The following WFS1 variants were observed in gnomAD, a reference collection of about 807,000 sequenced individuals.
WFS1 encodes the protein wolframin.
WFS1 carries 90 observed loss-of-function variants against 68.5 expected under a neutral mutation model. The ratio of observed to expected loss-of-function variants is 1.31; its 90% CI spans 1.11 to 1.56. The LOEUF is 1.56. Ranked by LOEUF, WFS1 falls within the 40% of genes most tolerant of loss-of-function variation. WFS1 has a pLI of 0.00. For synonymous variants in WFS1, 860 were observed against 540.7 expected (o/e 1.59, Z -8.19); for missense variants, 1,767 against 1,232.6 (o/e 1.43, Z -6.49).
At chr4:6,270,694 T>C (rs973668452) in intron 1 of WFS1, among the ~76,000 whole-genome samples, 2 of 152,228 alleles carry the variant, frequency 1.3e-5, no homozygotes, top group South Asian at 4.1e-4. Context: ...ACGAAAACTT[T>C]CTGGAGAATC....
intron 1 of WFS1, among the ~76,000 whole-genome samples, chr4:6,271,435 G>A (rs1332993652): frequency 6.6e-6 from 1 of 152,164 alleles, no homozygotes; most frequent in African/African-American, 2.4e-5. Context: ...GTCACAGAGG[G>A]GACCTCAGCT....
chr4:6,294,522 G>A (rs890568951), intron 6 of WFS1, among the ~76,000 whole-genome samples: 1 of 152,182 alleles, frequency 6.6e-6, no homozygotes, highest in Non-Finnish European at 1.5e-5. Flanking sequence ...GTTGGATGGA[G>A]CGGTTTAGCA....
At position 6,287,077 on chromosome 4, in the gene WFS1, T is replaced by C; in HGVS notation, c.233-16T>C. 6 of 1,553,134 alleles carry C rather than the reference T, an allele frequency of 3.9e-6. No homozygotes were observed. Among genetic ancestry groups the C allele is most frequent in the Non-Finnish European group, 4.4e-6 (5 of 1,146,916 alleles). On this transcript the variant is annotated splice_polypyrimidine_tract_variant and intron_variant, in intron 2 of 7. Transcript: ENST00000226760. The surrounding 1 kb of genome is among the most constrained non-coding windows in gnomAD (Gnocchi z 6.4). ...CTGGCTTTGTGACATGTGTGTTTGT[T>C]TCTTCTGTGTTAAAGGGCCTACAAA...
At chr4:6,285,047 G>GGGA (rs1730272666) in intron 2 of WFS1, among the ~76,000 whole-genome samples, 1 of 151,828 alleles carries the variant, frequency 6.6e-6, no homozygotes, top group Non-Finnish European at 1.5e-5. Context: ...GGGGGCTCTG[G>GGGA]GGAGGGTGGG....
chr4:6,277,293 C>T (rs1290768307), intron 1 of WFS1, among the ~76,000 whole-genome samples, 158 bp from the exon 2 acceptor site: 1 of 152,244 alleles, frequency 6.6e-6, no homozygotes. Context: ...GGAAGCGGTG[C>T]TGGCCCATGG....
At position 6,299,938 on chromosome 4, in the gene WFS1, G is replaced by A. The variant is rs369597588; in HGVS notation, c.862-719G>A. 1.8e-3 allele frequency among the ~76,000 whole-genome samples: 276 copies of A among 149,192 alleles called. 1 individual carries two copies. The highest frequency in any genetic ancestry group is 3.3e-3 in the Non-Finnish European group (225 of 67,182). On this transcript the variant is annotated intron_variant, in intron 7 of 7. Transcript: ENST00000226760. ...GTATGGGGTGGGTTTGTGTGAATGC[G>A]TGTGTGTAGGGGTGGGTTGCGTGTG...
intron 1 of WFS1, among the ~76,000 whole-genome samples, chr4:6,273,721 C>T (rs757577331): frequency 3.3e-5 from 5 of 152,188 alleles, no homozygotes; most frequent in African/African-American, 4.8e-5. Flanking sequence ...GTCCTTCCAC[C>T]GGGAGATCTT....
In WFS1 at chr4:6,302,931, T is replaced by G; in HGVS notation, c.*463T>G. ...GGTCACTGCTACACCTTAGCAGCTC[T>G]TCCCCTTTCCTGGGGGATGTGCACG... On this transcript the variant is annotated 3_prime_UTR_variant, in exon 8 of 8. Transcript: ENST00000226760. 1 of 183,834 alleles carries G rather than the reference T, an allele frequency of 5.4e-6. No homozygotes were observed. The highest frequency in any genetic ancestry group is 1.2e-5 in the Non-Finnish European group (1 of 86,430). The allele number at this position is 183,834 out of a possible 1,614,324, so 11.4% of individuals were successfully genotyped here.
intron 7 of WFS1, among the ~76,000 whole-genome samples, chr4:6,299,900 GTTGTGTGT>G (rs1730806346): frequency 1.6e-5 from 1 of 61,528 alleles, no homozygotes; most frequent in Non-Finnish European, 3.0e-5. Context: ...GTAGGGGTGG[GTTGTGTGT>G]GTGTGTATGG....
chr4:6,296,822 C>G (rs1461619382), intron 7 of WFS1, among the ~76,000 whole-genome samples: 1 of 152,174 alleles, frequency 6.6e-6, no homozygotes, highest in Non-Finnish European at 1.5e-5. Flanking sequence ...ATCTGAAAAT[C>G]CTATTTATTT....
intron 7 of WFS1, among the ~76,000 whole-genome samples, chr4:6,299,446 G>A (rs1210363087): frequency 1.3e-5 from 2 of 151,842 alleles, no homozygotes; most frequent in East Asian, 1.9e-4. Context: ...ACGTGTAGGG[G>A]TGGGTGTGCA....
At chr4:6,284,955 G>A (rs866202570) in intron 2 of WFS1, among the ~76,000 whole-genome samples, 8 of 151,308 alleles carry the variant, frequency 5.3e-5, no homozygotes, top group African/African-American at 1.7e-4. Context: ...CCCGCAGCCA[G>A]AAACCACGCT....
chr4:6,289,723 G>T (rs972152142), intron 4 of WFS1, among the ~76,000 whole-genome samples: 1 of 152,236 alleles, frequency 6.6e-6, no homozygotes, highest in Non-Finnish European at 1.5e-5. Flanking sequence ...TGGTGCCGTG[G>T]GGCAGTGTGC....
rs71532873 is a variant in WFS1 at position 6,287,211 on chromosome 4, C to T, written c.315+36C>T. On this transcript the variant is annotated intron_variant, in intron 3 of 7. Transcript: ENST00000226760. This position sits in a 1 kb window ranked among gnomAD's most constrained non-coding sequence, Gnocchi z 6.4. ...CGGTGCCGGCAGGGACTTCGGGACGCGGCCCCCGGCACAACAGGCCTGGCC... is the reference window on the plus strand; with the variant it reads ...CGGTGCCGGCAGGGACTTCGGGACGTGGCCCCCGGCACAACAGGCCTGGCC... 25 of 1,528,198 alleles carry T rather than the reference C, an allele frequency of 1.6e-5. No homozygotes were observed. The highest frequency in any genetic ancestry group is 9.6e-5 in the African/African-American group (7 of 72,622). The allele number at this position is 1,528,198 out of a possible 1,614,324, so 94.7% of individuals were successfully genotyped here.
At chr4:6,299,548 ATG>A (rs35994107) in intron 7 of WFS1, among the ~76,000 whole-genome samples, 4 of 31,250 alleles carry the variant, frequency 1.3e-4, no homozygotes, top group African/African-American at 3.1e-4. Context: ...GGTTGTGTGA[ATG>A]TGTGTGTAGG....
intron 7 of WFS1, among the ~76,000 whole-genome samples, chr4:6,300,000 T>G (rs546847387): frequency 6.6e-6 from 1 of 152,066 alleles, no homozygotes; most frequent in African/African-American, 2.4e-5. Flanking sequence ...GAAGGTGGCC[T>G]GGCAGCTGCT....
In WFS1 at chr4:6,302,122, A is replaced by T. The variant is rs56002719; in HGVS notation, c.2327A>T (p.Glu776Val). 6,835 of 1,612,924 alleles carry T rather than the reference A, an allele frequency of 4.2e-3. 31 individuals carry two copies. The highest frequency in any genetic ancestry group is 4.8e-3 in the Non-Finnish European group (5,638 of 1,180,008). The change falls in exon 8 of 8, where the codon GAG becomes GTG. Residue 776 changes from glutamate (E) to valine (V), a missense_variant. Physicochemically the swap from Glu to Val is moderately radical, Grantham distance 121. Coordinates refer to ENST00000226760, the MANE Select transcript of WFS1 (RefSeq NM_006005.3). ...AAGAAGTTCGACCGCTACAAGTTTGAGATTACCGTGGGCATGCCATTCAGC... is the reference window on the plus strand; with the variant it reads ...AAGAAGTTCGACCGCTACAAGTTTGTGATTACCGTGGGCATGCCATTCAGC... The part of the protein sequence containing the change: ...HIKKFDRYKF[E>V]ITVGMPFSSG...
rs74889336 is a variant in WFS1, at chr4:6,300,325, A to T, written c.862-332A>T. Among the ~76,000 whole-genome samples, 2,282 of 152,022 alleles carry T rather than the reference A, an allele frequency of 0.015. 59 individuals carry two copies. Among genetic ancestry groups the T allele is most frequent in the African/African-American group, 0.051 (2,132 of 41,440 alleles). ...CATGTGGGTGACCCTGAGGGGAGGG[A>T]AGTGGGGAGCCCGTGGGTCCCTCCA... is the stretch of plus-strand genomic sequence containing the variant. On this transcript the variant is annotated intron_variant, in intron 7 of 7. Transcript: ENST00000226760.
At chr4:6,275,603 G>T (rs189074012) in intron 1 of WFS1, among the ~76,000 whole-genome samples, 3 of 6,018 alleles carry the variant, frequency 5.0e-4, no homozygotes, top group Non-Finnish European at 1.0e-3. Flanking sequence ...GTGGGGTGGG[G>T]GGGGGGGGTG....
Sources: allele counts gnomAD v4.1 joint callset (sites outside exome capture counted in the v4.1 genomes callset), GRCh38; gene constraint gnomAD v4.1.1; non-coding constraint Gnocchi (gnomAD v3.1); transcripts MANE v1.5; gene names NCBI Gene and HGNC (gene_info 2026-07-23, HGNC 2026-07-21).